Variants in STK33 observed in about 807,000 individuals in gnomAD.
STK33 encodes serine/threonine-protein kinase 33.
A neutral mutation model predicts 58.0 loss-of-function variants in STK33; 52 were observed. The ratio of observed to expected loss-of-function variants is 0.90; its 90% confidence interval spans 0.72 to 1.13. STK33 has a LOEUF of 1.13. STK33 is among the 50% of genes most tolerant of loss of function. STK33 has a pLI of 0.00. For missense variants in STK33, 630 were observed against 604.2 expected (o/e 1.04, Z -0.45); for synonymous variants, 215 against 200.1 (o/e 1.07, Z -0.63).
intron 1 of STK33, among the ~76,000 whole-genome samples, chr11:8,505,737 AG>A (rs1180497238): frequency 2.0e-5 from 3 of 152,220 alleles, no homozygotes; most frequent in African/African-American, 7.2e-5. Context: ...TGCCCTATCC[AG>A]GTGTTTGTCA....
intron 1 of STK33, among the ~76,000 whole-genome samples, chr11:8,534,520 A>T (rs1954808575): frequency 6.8e-6 from 1 of 147,336 alleles, no homozygotes; most frequent in Admixed American, 6.9e-5. Context: ...TTGTTCCAGC[A>T]AGTATATATA....
intron 1 of STK33, among the ~76,000 whole-genome samples, chr11:8,505,033 G>A: frequency 6.6e-6 from 1 of 152,104 alleles, no homozygotes; most frequent in East Asian, 1.9e-4. Context: ...AGCCATGGTG[G>A]GTGTGCTTAT....
intron 15 of STK33, among the ~76,000 whole-genome samples, chr11:8,405,513 C>T (rs950609318): frequency 1.4e-5 from 2 of 144,660 alleles, no homozygotes; most frequent in Non-Finnish European, 3.0e-5. Flanking sequence ...TATTTTCTCC[C>T]TGTCTGTGGC....
chr11:8,364,830 G>T, the STK33 span, among the ~76,000 whole-genome samples: 74 of 152,182 alleles, frequency 4.9e-4, no homozygotes, highest in African/African-American at 1.8e-3. Context: ...GCTCTCCTAC[G>T]CATATAGTTG....
intron 8 of STK33, among the ~76,000 whole-genome samples, chr11:8,461,012 T>C (rs765362742): frequency 2.0e-5 from 3 of 152,172 alleles, no homozygotes; most frequent in Admixed American, 2.0e-4. Context: ...ATATCAATTG[T>C]CTCATTTAAT....
the STK33 span, among the ~76,000 whole-genome samples, chr11:8,347,395 T>A: frequency 4.3e-4 from 65 of 152,340 alleles, 2 homozygotes; most frequent in East Asian, 0.012. Flanking sequence ...TAGGTGATGC[T>A]GTGATTGATA....
At chr11:8,586,136 G>C (rs769374541) in intron 1 of STK33, among the ~76,000 whole-genome samples, 3 of 150,930 alleles carry the variant, frequency 2.0e-5, no homozygotes, top group Admixed American at 6.6e-5. Flanking sequence ...AGGATGGCTT[G>C]AGCCCAGGTG....
the STK33 span, among the ~76,000 whole-genome samples, chr11:8,372,666 A>T: frequency 6.6e-6 from 1 of 152,258 alleles, no homozygotes; most frequent in Non-Finnish European, 1.5e-5. Context: ...TCACAGCCAC[A>T]TCTTCTTCCC....
At chr11:8,516,486 A>T (rs1952793649) in intron 1 of STK33, among the ~76,000 whole-genome samples, 1 of 152,214 alleles carries the variant, frequency 6.6e-6, no homozygotes, top group Non-Finnish European at 1.5e-5. Context: ...GGTTCATCTC[A>T]CTGGGGCTTG....
At chr11:8,454,975 C>G (rs1946677297) in intron 9 of STK33, 143 bp from the exon 10 acceptor site, 4 of 850,370 alleles carry the variant, frequency 4.7e-6, no homozygotes, top group Admixed American at 4.7e-5. Context: ...GTTCTATTCT[C>G]TCATTTATAA....
intron 11 of STK33, among the ~76,000 whole-genome samples, chr11:8,446,092 C>T (rs1186887455): frequency 1.3e-5 from 2 of 152,058 alleles, no homozygotes; most frequent in Non-Finnish European, 2.9e-5. Flanking sequence ...CGACTTCTTC[C>T]TGGTTTAGTC....
intron 1 of STK33, among the ~76,000 whole-genome samples, chr11:8,586,065 A>C (rs572804476): frequency 3.3e-5 from 5 of 151,830 alleles, no homozygotes; most frequent in African/African-American, 7.2e-5. Context: ...AAAAACAAAA[A>C]ATTTAGCCAG....
the STK33 span, among the ~76,000 whole-genome samples, chr11:8,339,623 G>A: frequency 6.6e-6 from 1 of 152,244 alleles, no homozygotes; most frequent in Non-Finnish European, 1.5e-5. Flanking sequence ...GGTGACCAGG[G>A]GAAGCCTCCT....
the STK33 span, among the ~76,000 whole-genome samples, chr11:8,365,388 C>A: frequency 6.6e-6 from 1 of 152,214 alleles, no homozygotes; most frequent in Non-Finnish European, 1.5e-5. Context: ...CAGCTCAGCC[C>A]CGCTGCCCCA....
chr11:8,543,345 G>A (rs971745997), intron 1 of STK33, among the ~76,000 whole-genome samples: 1 of 152,134 alleles, frequency 6.6e-6, no homozygotes, highest in Non-Finnish European at 1.5e-5. Flanking sequence ...GGCCACATTT[G>A]TTGATAAACC....
At position 8,432,801 on chromosome 11, in the gene STK33, T is replaced by C. The variant is rs543401212; in HGVS notation, c.1146+2693A>G. Among the ~76,000 whole-genome samples the C allele has an allele frequency of 2.4e-4, 36 of 152,286 alleles. No individual in the cohort carries two copies. In the South Asian group the frequency reaches 7.5e-3, roughly 32 times the overall value. On this transcript the variant is annotated intron_variant, in intron 14 of 15. Transcript: ENST00000687296. ...AAGAAGAGTTTTGCCTTTCAGAAGT[T>C]TGTAAAATGCCAGTATTCTAAATTT...
chr11:8,584,014 T>C (rs1285829841), intron 1 of STK33, among the ~76,000 whole-genome samples: 1 of 151,312 alleles, frequency 6.6e-6, no homozygotes, highest in Admixed American at 6.6e-5. Flanking sequence ...ATGCTGCCAC[T>C]CAATCTGCCT....
Position 8,464,808 on chromosome 11 carries a change from A to T in STK33, c.354T>A (p.Phe118Leu). ...AGCTCCCTTTTCCCAATATTCTTCC[A>T]AAGGTATAGATTTCCTGGAGAAAAA... is the stretch of plus-strand genomic sequence containing the variant. Reference protein sequence around the residue: ...NGAAIEEIYTFGRILGKGSFG... With the variant: ...NGAAIEEIYTLGRILGKGSFG... The change falls in exon 7 of 16, where the codon TTT (phenylalanine) becomes TTA (leucine). Residue 118 changes from phenylalanine to leucine, a missense_variant. Coordinates refer to ENST00000687296, the MANE Select transcript of STK33 (RefSeq NM_001352389.2). 1 of 1,608,644 alleles carries T rather than the reference A, an allele frequency of 6.2e-7. No homozygotes were observed. The highest frequency in any genetic ancestry group is 1.1e-5 in the South Asian group (1 of 90,702).
intron 14 of STK33, among the ~76,000 whole-genome samples, chr11:8,426,287 T>A (rs1306271398): frequency 6.6e-6 from 1 of 152,222 alleles, no homozygotes; most frequent in East Asian, 1.9e-4. Flanking sequence ...CGTATTGTTC[T>A]GCCGGTGGAT....
Sources: gnomAD v4.1 joint callset for allele counts (sites outside exome capture counted in the v4.1 genomes callset) on GRCh38, gnomAD v4.1.1 for gene constraint, MANE v1.5 for transcripts, NCBI Gene and HGNC (gene_info 2026-07-23, HGNC 2026-07-21) for gene names.